Variants in C3orf52 observed in about 807,000 individuals in gnomAD.
C3orf52 encodes the protein chromosome 3 open reading frame 52.
A neutral mutation model predicts 24.8 loss-of-function variants in C3orf52; 22 were observed. That is an observed-to-expected ratio of 0.89 (90% confidence interval 0.63 to 1.27). The LOEUF (loss-of-function observed/expected upper bound fraction) is 1.27, where lower values mean the gene tolerates loss of function less well. Ranked by LOEUF, C3orf52 falls within the 50% of genes most tolerant of loss-of-function variation. The probability of loss-of-function intolerance (pLI) is 0.00; values close to 1 mark genes in which losing one functional copy is unlikely to be tolerated. For synonymous variants in C3orf52, 93 were observed against 100.2 expected, an observed-to-expected ratio of 0.93 and a Z score of 0.43; for missense variants, 265 against 260.7, an observed-to-expected ratio of 1.02 and a Z score of -0.11.
chr3:112,127,149 A>G (rs1413902265), intron 4 of C3orf52: 1 of 631,916 alleles, frequency 1.6e-6, no homozygotes, highest in Non-Finnish European at 2.7e-6. Flanking sequence ...CTTTTATAAT[A>G]CCTCCTTCAG....
intron 2 of C3orf52, among the ~76,000 whole-genome samples, chr3:112,095,644 CTG>C (rs2073918521): frequency 2.0e-5 from 3 of 152,236 alleles, no homozygotes; most frequent in South Asian, 4.2e-4. Flanking sequence ...TTTAATTTAA[CTG>C]TAAATTTGTG....
At chr3:112,125,404 G>A in intron 4 of C3orf52, 1 of 638,586 alleles carries the variant, frequency 1.6e-6, no homozygotes, top group South Asian at 1.8e-5. Context: ...ACATCCCTGG[G>A]GAGTGACAGG....
intron 1 of C3orf52, among the ~76,000 whole-genome samples, chr3:112,092,401 G>T (rs1309123620): frequency 6.6e-6 from 1 of 152,150 alleles, no homozygotes; most frequent in East Asian, 1.9e-4. Flanking sequence ...CTCCATGAAA[G>T]AATTATCTAA....
At chr3:112,128,235 T>G (rs761854240) in exon 5 of C3orf52, 6 of 706,920 alleles carry the variant, frequency 8.5e-6, no homozygotes, top group Admixed American at 2.0e-5. Context: ...CTTCCTAGGA[T>G]GAAGATGATA....
downstream of C3orf52, chr3:112,133,254 A>G: frequency 1.1e-6 from 1 of 890,852 alleles, no homozygotes; most frequent in Non-Finnish European, 1.8e-6. Context: ...AGCAGAAAGG[A>G]GAAGGGTGTC....
At chr3:112,100,862 A>G (rs771049093) in intron 2 of C3orf52, among the ~76,000 whole-genome samples, 28 of 152,344 alleles carry the variant, frequency 1.8e-4, no homozygotes, top group South Asian at 1.0e-3. Flanking sequence ...TTACAACAGA[A>G]CAATCAGGAT....
intron 3 of C3orf52, among the ~76,000 whole-genome samples, chr3:112,105,501 TC>T (rs2074014844): frequency 6.6e-6 from 1 of 152,052 alleles, no homozygotes; most frequent in East Asian, 1.9e-4. Context: ...ATTATTTTTT[TC>T]TCTATACCCA....
At chr3:112,109,409 A>G in intron 3 of C3orf52, 134 bp from the exon 4 acceptor site, 2 of 503,802 alleles carry the variant, frequency 4.0e-6, no homozygotes, top group South Asian at 7.7e-5. Flanking sequence ...TTCTTGATCC[A>G]GAGCTTCCAG....
At chr3:112,112,725 A>C (rs1029461590) in intron 4 of C3orf52, 1 of 512,390 alleles carries the variant, frequency 2.0e-6, no homozygotes, top group Non-Finnish European at 3.7e-6. Context: ...CTCCCAGTGG[A>C]TTCCTAGAGG....
chr3:112,092,361 TC>T (rs2107775077), intron 1 of C3orf52, among the ~76,000 whole-genome samples: 1 of 152,336 alleles, frequency 6.6e-6, no homozygotes, highest in Non-Finnish European at 1.5e-5. Context: ...ACACATTTTT[TC>T]CCCATTGTAT....
intron 2 of C3orf52, among the ~76,000 whole-genome samples, chr3:112,096,822 C>T (rs1028593088): frequency 1.1e-4 from 17 of 152,354 alleles, no homozygotes; most frequent in East Asian, 3.9e-4. Flanking sequence ...TCTCTACAGA[C>T]TGTGCAGCCT....
chr3:112,113,194 A>G (rs2074103014), intron 5 of C3orf52, 49 bp downstream of exon 5: 1 of 1,481,436 alleles, frequency 6.8e-7, no homozygotes, highest in African/African-American at 1.4e-5. Flanking sequence ...AAACAGGTGA[A>G]CCAGATTGGG....
intron 2 of C3orf52, among the ~76,000 whole-genome samples, chr3:112,096,558 T>G (rs557851982): frequency 6.6e-6 from 1 of 152,326 alleles, no homozygotes; most frequent in African/African-American, 2.4e-5. Flanking sequence ...AGAGCTGGGA[T>G]TAATCAGAAG....
At chr3:112,122,451 T>C (rs2074218435), downstream of C3orf52, 2 of 152,148 alleles carry the variant, frequency 1.3e-5, no homozygotes. Context: ...AGATATAATT[T>C]GAGGAACACT....
downstream of C3orf52, chr3:112,121,923 G>A (rs2074208023): frequency 6.6e-6 from 1 of 152,164 alleles, no homozygotes; most frequent in African/African-American, 2.4e-5. Flanking sequence ...GCTGGTCCAA[G>A]GGCCTGTCTA....
Position 112,102,861 on chromosome 3 carries a change from A to C in C3orf52, c.292A>C (p.Asn98His), listed in dbSNP as rs776274687. The C allele has an allele frequency of 1.9e-6, 3 of 1,574,942 alleles. No homozygotes were observed. ...AAVTYVDEDE[N>H]EILELSSNKT... is the part of the protein sequence containing the mutation. ...AGTAACTTATGTTGATGAAGATGAA[A>C]ATGAAATACTTGAATTATCATCAAA... The change falls in exon 3 of 6, where the codon AAT becomes CAT. Residue 98 changes from asparagine (N) to histidine (H), a missense_variant. Transcript: ENST00000264848.
At position 112,102,827 on chromosome 3, in the gene C3orf52, A is replaced by G. The variant is rs771869744; in HGVS notation, c.269-11A>G. The G allele has an allele frequency of 3.2e-6, 5 of 1,545,748 alleles. No individual in the cohort carries two copies. The highest frequency in any genetic ancestry group is 1.7e-4 in the Middle Eastern group (1 of 5,960). On this transcript the variant is annotated splice_polypyrimidine_tract_variant and intron_variant, in intron 2 of 5. Transcript: ENST00000264848. Reference sequence around the variant, plus strand: ...TTTGTTTTTCATTTCCACCTCCCCTACTTTCTTTAGTAACTTATGTTGATG... The same window carrying G: ...TTTGTTTTTCATTTCCACCTCCCCTGCTTTCTTTAGTAACTTATGTTGATG...
At chr3:112,127,366 A>G (rs565111422) in intron 4 of C3orf52, among the ~76,000 whole-genome samples, 2 of 152,164 alleles carry the variant, frequency 1.3e-5, no homozygotes, top group African/African-American at 4.8e-5. Context: ...CTATCATGTG[A>G]GTGAAGGAGC....
Position 112,093,397 on chromosome 3 carries a change from A to G in C3orf52, c.176A>G (p.Asn59Ser). 1 of 1,613,958 alleles carries G rather than the reference A, an allele frequency of 6.2e-7. No individual in the cohort carries two copies. Among genetic ancestry groups the G allele is most frequent in the Non-Finnish European group, 8.5e-7 (1 of 1,179,866 alleles). The change falls in exon 2 of 6, where the codon AAT becomes AGT. Residue 59 changes from asparagine (N) to serine (S), a missense_variant. Physicochemically the swap from Asn to Ser is conservative, Grantham distance 46. Coordinates refer to ENST00000264848, the MANE Select transcript of C3orf52 (RefSeq NM_024616.3). The part of the protein sequence containing the change: ...KESPWSSCNK[N>S]VVGRCKLWMI... ...AGCCCCTGGAGCTCCTGTAATAAGA[A>G]TGTGGTTGGAAGATGCAAACTGTGG...
Sources: gnomAD v4.1 joint callset for allele counts (sites outside exome capture counted in the v4.1 genomes callset) on GRCh38, gnomAD v4.1.1 for gene constraint, MANE v1.5 for transcripts, NCBI Gene and HGNC (gene_info 2026-07-23, HGNC 2026-07-21) for gene names.